The following LRRC7 variants were observed in gnomAD, a reference collection of about 807,000 sequenced individuals.
LRRC7 encodes the protein leucine rich repeat containing 7.
LRRC7 carries 23 observed loss-of-function variants against 175.7 expected under a neutral mutation model. The ratio of observed to expected loss-of-function variants is 0.13; its 90% CI spans 0.09 to 0.19. The LOEUF is 0.19. Ranked by LOEUF, LRRC7 falls within the 10% of genes least tolerant of loss-of-function variation. The pLI is 1.00. For synonymous variants in LRRC7, 685 were observed against 680.9 expected, an observed-to-expected ratio of 1.01 and a Z score of -0.09; for missense variants, 1,354 against 1,904.7, an observed-to-expected ratio of 0.71 and a Z score of 5.38.
chr1:69,610,250 CT>C (rs1341694724), intron 1 of LRRC7, among the ~76,000 whole-genome samples: 1 of 152,000 alleles, frequency 6.6e-6, no homozygotes, highest in African/African-American at 2.4e-5. Flanking sequence ...CAACCTGTTC[CT>C]TTTTCCCTCC....
At chr1:69,616,324 A>G (rs1649609196) in intron 1 of LRRC7, among the ~76,000 whole-genome samples, 1 of 152,046 alleles carries the variant, frequency 6.6e-6, no homozygotes, top group South Asian at 2.1e-4. Flanking sequence ...AAAATGATTA[A>G]TGGATCAATT....
At position 70,143,459 on chromosome 1, in the gene LRRC7, T is replaced by C. The variant is rs1405723186; in HGVS notation, c.*21572T>C. On this transcript the variant is annotated 3_prime_UTR_variant, in exon 27 of 27. Transcript: ENST00000651989. The stretch of plus-strand genomic sequence containing the variant: ...CAATAGTAAACATTGACATTTTACA[T>C]AGACATATTGTATATTAATGCATGC... 6.6e-6 allele frequency: 1 copy of C among 152,182 alleles called. No homozygotes were observed. The highest frequency in any genetic ancestry group is 1.5e-5 in the Non-Finnish European group (1 of 68,018). The allele number at this position is 152,182 out of a possible 1,614,324, so 9.4% of individuals were successfully genotyped here. A position where few individuals can be genotyped will look rare whatever the true frequency, so the allele number is the denominator to read the frequency against.
chr1:70,038,217 T>C lies in LRRC7; in HGVS notation c.2393T>C (p.Met798Thr). Residue 798 changes from methionine to threonine, a missense_variant, in exon 21 of 27, where the codon ATG becomes ACG. Transcript: ENST00000651989. ...CCACAGCGTCCTGACCGGCTGCCCATGAGTGATACTTTCACTGACAACTGG... is the reference window on the plus strand; with the variant it reads ...CCACAGCGTCCTGACCGGCTGCCCACGAGTGATACTTTCACTGACAACTGG... ...NIPQRPDRLP[M>T]SDTFTDNWTD... 1 of 1,614,162 alleles carries C rather than the reference T, an allele frequency of 6.2e-7. No homozygotes were observed.
At position 70,134,483 on chromosome 1, in the gene LRRC7, C is replaced by A. The variant is rs1348063017; in HGVS notation, c.*12596C>A. Among the ~76,000 whole-genome samples the A allele has an allele frequency of 6.6e-6, 1 of 152,176 alleles. No individual in the cohort carries two copies. Among genetic ancestry groups the A allele is most frequent in the Admixed American group, 6.5e-5 (1 of 15,268 alleles). On this transcript the variant is annotated 3_prime_UTR_variant, in exon 27 of 27. Coordinates refer to ENST00000651989, the MANE Select transcript of LRRC7 (RefSeq NM_001370785.2). ...TTCTTCTTTGCTAATTCCATCAAAG[C>A]CCTACTTATATGGGTTTCAGGTGTT...
At chr1:69,631,472 C>T (rs149613470) in intron 1 of LRRC7, among the ~76,000 whole-genome samples, 1 of 152,022 alleles carries the variant, frequency 6.6e-6, no homozygotes, top group Non-Finnish European at 1.5e-5. Context: ...AGGTTTATCT[C>T]AAGGTGTGAT....
chr1:69,815,343 C>T (rs1417448885), intron 4 of LRRC7, among the ~76,000 whole-genome samples: 1 of 152,180 alleles, frequency 6.6e-6, no homozygotes, highest in African/African-American at 2.4e-5. Flanking sequence ...GAGGTTATTA[C>T]TTCCAATCAG....
intron 7 of LRRC7, among the ~76,000 whole-genome samples, chr1:69,928,593 G>A (rs1175976519): frequency 1.3e-5 from 2 of 152,212 alleles, no homozygotes; most frequent in Admixed American, 6.5e-5. Context: ...GACTCCGTGG[G>A]CGTAGGACCC....
At chr1:69,902,300 T>G (rs1294744161) in intron 7 of LRRC7, among the ~76,000 whole-genome samples, 1 of 152,212 alleles carries the variant, frequency 6.6e-6, no homozygotes, top group African/African-American at 2.4e-5. Flanking sequence ...CCAGGTGTGG[T>G]GGCTCACACC....
intron 2 of LRRC7, among the ~76,000 whole-genome samples, chr1:69,730,286 A>C (rs753812414): frequency 7.9e-5 from 12 of 152,142 alleles, no homozygotes; most frequent in Non-Finnish European, 1.2e-4. Context: ...AGTGGGCTTG[A>C]ATGTCTTTCC....
intron 1 of LRRC7, 112 bp downstream of exon 1, chr1:69,568,753 A>C: frequency 2.3e-4 from 69 of 305,698 alleles, no homozygotes; most frequent in Non-Finnish European, 3.5e-4. Context: ...CGGGGGTGGC[A>C]GGGCGGGAGG....
intron 26 of LRRC7, among the ~76,000 whole-genome samples, chr1:70,119,551 G>A (rs1011528830): frequency 1.3e-5 from 2 of 150,196 alleles, no homozygotes; most frequent in African/African-American, 2.5e-5. Context: ...TAATCACATT[G>A]AGAGCCGACT....
intron 1 of LRRC7, among the ~76,000 whole-genome samples, chr1:69,647,181 C>G (rs574157650): frequency 2.6e-5 from 4 of 152,116 alleles, no homozygotes; most frequent in African/African-American, 9.6e-5. Context: ...CTTAAATGGG[C>G]AGAAAATTAG....
intron 4 of LRRC7, among the ~76,000 whole-genome samples, chr1:69,799,250 G>A (rs941259003): frequency 6.6e-6 from 1 of 151,792 alleles, no homozygotes; most frequent in Non-Finnish European, 1.5e-5. Flanking sequence ...CAACTGTTTT[G>A]TTAGGTGCAT....
chr1:69,698,738 T>G (rs1290014210), intron 2 of LRRC7, among the ~76,000 whole-genome samples: 2 of 152,334 alleles, frequency 1.3e-5, no homozygotes, highest in East Asian at 3.9e-4. Flanking sequence ...GGGGATAGTC[T>G]TACCCTGCCT....
At chr1:69,694,858 T>G (rs752336210) in intron 2 of LRRC7, among the ~76,000 whole-genome samples, 3 of 152,122 alleles carry the variant, frequency 2.0e-5, no homozygotes, top group Non-Finnish European at 2.9e-5. Flanking sequence ...GCACCATGCT[T>G]CTTGTACAGC....
intron 7 of LRRC7, among the ~76,000 whole-genome samples, chr1:69,898,043 G>T (rs1646029238): frequency 6.6e-6 from 1 of 152,272 alleles, no homozygotes; most frequent in African/African-American, 2.4e-5. Context: ...ATTAACTGAA[G>T]CCTTGAACTA....
intron 11 of LRRC7, among the ~76,000 whole-genome samples, chr1:69,995,204 A>G (rs1049467794): frequency 3.3e-5 from 5 of 152,106 alleles, no homozygotes; most frequent in Admixed American, 2.0e-4. Flanking sequence ...ATTTATTTCT[A>G]ATATTGTCAT....
chr1:69,764,672 T>C (rs1009538722), intron 3 of LRRC7, among the ~76,000 whole-genome samples: 8 of 151,704 alleles, frequency 5.3e-5, no homozygotes, highest in African/African-American at 1.9e-4. Context: ...ACTCGGGAAG[T>C]AACAACACTG....
At chr1:69,801,261 A>G (rs1046627551) in intron 4 of LRRC7, among the ~76,000 whole-genome samples, 1 of 151,686 alleles carries the variant, frequency 6.6e-6, no homozygotes, top group Non-Finnish European at 1.5e-5. Flanking sequence ...CTTCCTCCTC[A>G]AGTTTTTGGA....
Sources: allele counts gnomAD v4.1 joint callset (sites outside exome capture counted in the v4.1 genomes callset), GRCh38; gene constraint gnomAD v4.1.1; transcripts MANE v1.5; gene names NCBI Gene and HGNC (gene_info 2026-07-23, HGNC 2026-07-21).